Variants in PPP3CC observed in about 807,000 individuals in gnomAD.
PPP3CC encodes protein phosphatase 3 catalytic subunit gamma, also known as serine/threonine-protein phosphatase 2B catalytic subunit gamma isoform.
A neutral mutation model predicts 60.3 loss-of-function variants in PPP3CC; 35 were observed. That is an observed-to-expected ratio of 0.58 (90% CI 0.44 to 0.77). PPP3CC has a LOEUF of 0.77. Ranked by LOEUF, PPP3CC falls within the 30% of genes least tolerant of loss-of-function variation. The pLI is 0.00. For missense variants in PPP3CC, 570 were observed against 628.9 expected, an observed-to-expected ratio of 0.91 and a Z score of 1.00; for synonymous variants, 206 against 224.3, an observed-to-expected ratio of 0.92 and a Z score of 0.73.
At chr8:22,495,023 C>G (rs909526265) in intron 3 of PPP3CC, among the ~76,000 whole-genome samples, 1 of 152,160 alleles carries the variant, frequency 6.6e-6, no homozygotes, top group African/African-American at 2.4e-5. Flanking sequence ...TCATAGCTCA[C>G]TACAGCCTCA....
At chr8:22,479,025 A>G (rs1280115235) in intron 3 of PPP3CC, among the ~76,000 whole-genome samples, 2 of 152,190 alleles carry the variant, frequency 1.3e-5, no homozygotes, top group African/African-American at 4.8e-5. Flanking sequence ...AAAGTATGAG[A>G]TCTATCGAGT....
At chr8:22,470,601 G>T (rs1837692727) in intron 1 of PPP3CC, among the ~76,000 whole-genome samples, 1 of 152,138 alleles carries the variant, frequency 6.6e-6, no homozygotes, top group African/African-American at 2.4e-5. Flanking sequence ...ATGGACAAAA[G>T]AATTGAACAA....
Position 22,532,902 on chromosome 8 carries a change from G to A in PPP3CC, c.1224-19G>A. Reference sequence around the variant, plus strand: ...GAGAGTTCTCGGGCATTAACCCAGGGTTTGGTCTCCCTTTGCAGGCAAGAA... The same window carrying A: ...GAGAGTTCTCGGGCATTAACCCAGGATTTGGTCTCCCTTTGCAGGCAAGAA... On this transcript the variant is annotated intron_variant, in intron 11 of 13. Transcript: ENST00000240139. 1.3e-6 allele frequency: 2 copies of A among 1,530,450 alleles called. No individual in the cohort carries two copies. The highest frequency in any genetic ancestry group is 1.8e-6 in the Non-Finnish European group (2 of 1,130,796). 94.8% of individuals were successfully genotyped at this position (1,530,450 alleles called of 1,614,324 possible).
At chr8:22,497,436 C>G (rs1026208775) in intron 3 of PPP3CC, among the ~76,000 whole-genome samples, 1 of 151,990 alleles carries the variant, frequency 6.6e-6, no homozygotes, top group Non-Finnish European at 1.5e-5. Flanking sequence ...TAGCTGGAAC[C>G]ATATGTGTGC....
chr8:22,463,019 C>G (rs1028024083), intron 1 of PPP3CC, among the ~76,000 whole-genome samples: 7 of 152,114 alleles, frequency 4.6e-5, no homozygotes, highest in African/African-American at 1.7e-4. Flanking sequence ...ATGGGTCATT[C>G]ACCTTTGCAA....
chr8:22,509,439 C>T (rs1305544095), intron 4 of PPP3CC, among the ~76,000 whole-genome samples: 1 of 152,222 alleles, frequency 6.6e-6, no homozygotes, highest in Admixed American at 6.5e-5. Context: ...CACGGTTCTG[C>T]AGGGTTGCCT....
chr8:22,475,592 G>C lies in PPP3CC; in HGVS notation c.340G>C (p.Asp114His). Residue 114 changes from aspartate (D) to histidine (H), a missense_variant, in exon 3 of 14, where the codon GAC becomes CAC. By Grantham distance (81) the Asp-to-His change is moderately conservative (BLOSUM62 -1). Coordinates refer to ENST00000240139, the MANE Select transcript of PPP3CC (RefSeq NM_005605.5). Reference protein sequence around the residue: ...PSNTRYLFLGDYVDRGYFSIE... With the variant: ...PSNTRYLFLGHYVDRGYFSIE... ...TAACACACGCTACCTCTTTCTGGGTGACTATGTGGACAGAGGCTATTTCAG... is the reference window on the plus strand; with the variant it reads ...TAACACACGCTACCTCTTTCTGGGTCACTATGTGGACAGAGGCTATTTCAG... The C allele has an allele frequency of 6.2e-7, 1 of 1,613,324 alleles. No individual in the cohort carries two copies.
At chr8:22,477,881 G>A (rs1256751658) in intron 3 of PPP3CC, among the ~76,000 whole-genome samples, 3 of 150,358 alleles carry the variant, frequency 2.0e-5, no homozygotes, top group East Asian at 1.9e-4. Context: ...ACAGAGTTTC[G>A]CTTTTGTTGC....
At chr8:22,446,050 C>T (rs2132421937) in intron 1 of PPP3CC, among the ~76,000 whole-genome samples, 1 of 152,288 alleles carries the variant, frequency 6.6e-6, no homozygotes, top group Non-Finnish European at 1.5e-5. Flanking sequence ...TAAGCTTTCT[C>T]TCTTTTATTG....
intron 3 of PPP3CC, chr8:22,492,633 T>G (rs1186840705): frequency 1.6e-6 from 1 of 631,876 alleles, no homozygotes; most frequent in Non-Finnish European, 2.9e-6. Context: ...CAAACAGTTA[T>G]GAGCCAGGAA....
At chr8:22,508,174 G>T (rs1053853123) in intron 4 of PPP3CC, among the ~76,000 whole-genome samples, 1 of 152,086 alleles carries the variant, frequency 6.6e-6, no homozygotes, top group African/African-American at 2.4e-5. Flanking sequence ...AGGACCACTT[G>T]ATCCTAGGAG....
rs376583061 is a variant in PPP3CC, at chr8:22,475,654, A to G, written c.372+30A>G. Reference sequence around the variant, plus strand: ...AAATTAAACTGGATATGTTGGGACTATTATATTGTCTTTCAAAAAAGATGA... The same window carrying G: ...AAATTAAACTGGATATGTTGGGACTGTTATATTGTCTTTCAAAAAAGATGA... On this transcript the variant is annotated intron_variant, in intron 3 of 13. Coordinates refer to ENST00000240139, the MANE Select transcript of PPP3CC (RefSeq NM_005605.5). The G allele has an allele frequency of 9.7e-6, 15 of 1,544,814 alleles. No homozygotes were observed. In the African/African-American group the frequency reaches 1.9e-4, roughly 20 times the overall value.
intron 1 of PPP3CC, among the ~76,000 whole-genome samples, chr8:22,451,814 G>C (rs981968001): frequency 3.9e-5 from 6 of 152,126 alleles, no homozygotes; most frequent in Non-Finnish European, 8.8e-5. Flanking sequence ...TTCACATTCT[G>C]TGTATATGAA....
In PPP3CC at chr8:22,475,503, G is replaced by T. The variant is rs1478993420; in HGVS notation, c.251G>T (p.Cys84Phe). The T allele has an allele frequency of 1.2e-6, 2 of 1,608,318 alleles. No individual in the cohort carries two copies. Among genetic ancestry groups the T allele is most frequent in the Admixed American group, 1.7e-5 (1 of 58,988 alleles). ...CACTTTATGCTTTTTTTCCTAGTAT[G>T]TGGTGATATTCATGGACAATTCTTT... ...MIEVDAPITV[C>F]GDIHGQFFDL... The change falls in exon 3 of 14, where the codon TGT becomes TTT. Residue 84 changes from cysteine to phenylalanine, a missense_variant. Cys to Phe is a radical substitution (Grantham distance 205). Transcript: ENST00000240139.
At chr8:22,538,993 A>T (rs897376209) in intron 12 of PPP3CC, among the ~76,000 whole-genome samples, 1 of 151,708 alleles carries the variant, frequency 6.6e-6, no homozygotes, top group Admixed American at 6.6e-5. Flanking sequence ...TTTTTTTTTT[A>T]AATGAAGTAA....
intron 4 of PPP3CC, among the ~76,000 whole-genome samples, chr8:22,499,639 T>C (rs887634454): frequency 6.6e-6 from 1 of 152,248 alleles, no homozygotes; most frequent in Non-Finnish European, 1.5e-5. Flanking sequence ...GTACTCATAA[T>C]TGGCTGCTCA....
chr8:22,532,313 A>G lies in PPP3CC; in HGVS notation c.1223+7A>G. Reference sequence around the variant, plus strand: ...GGGTCTTTTCAATTCTTCGGTAAGGATGTCTGTCATTACAGTGCGGATTAA... The same window carrying G: ...GGGTCTTTTCAATTCTTCGGTAAGGGTGTCTGTCATTACAGTGCGGATTAA... On this transcript the variant is annotated splice_region_variant and intron_variant, in intron 11 of 13. Coordinates refer to ENST00000240139, the MANE Select transcript of PPP3CC (RefSeq NM_005605.5). The G allele has an allele frequency of 6.2e-7, 1 of 1,602,542 alleles. No individual in the cohort carries two copies. Among genetic ancestry groups the G allele is most frequent in the Non-Finnish European group, 8.5e-7 (1 of 1,169,632 alleles).
At chr8:22,473,410 C>G (rs1837789586) in intron 1 of PPP3CC, among the ~76,000 whole-genome samples, 1 of 151,518 alleles carries the variant, frequency 6.6e-6, no homozygotes, top group African/African-American at 2.4e-5. Flanking sequence ...CTAATGTAAA[C>G]TGAAGGTAGT....
intron 8 of PPP3CC, among the ~76,000 whole-genome samples, chr8:22,525,554 CTCTCTT>C (rs1839535892): frequency 2.2e-5 from 3 of 138,628 alleles, no homozygotes; most frequent in Admixed American, 7.3e-5. Context: ...CTCTCTCTCT[CTCTCTT>C]TCTTTCTCTC....
Sources: allele counts gnomAD v4.1 joint callset (sites outside exome capture counted in the v4.1 genomes callset), GRCh38; gene constraint gnomAD v4.1.1; transcripts MANE v1.5; gene names NCBI Gene and HGNC (gene_info 2026-07-23, HGNC 2026-07-21).